KIAA0825: variants seen among roughly 807,000 people sequenced by gnomAD.
The protein encoded by KIAA0825 is uncharacterized protein KIAA0825.
KIAA0825 carries 119 observed loss-of-function variants against 147.6 expected under a neutral mutation model. The observed-to-expected ratio is 0.81, with a 90% CI of 0.69 to 0.94. The LOEUF (loss-of-function observed/expected upper bound fraction) is 0.94, where lower values mean the gene tolerates loss of function less well. KIAA0825 is among the 40% of genes least tolerant of loss of function. The probability of loss-of-function intolerance (pLI) is 0.00; values close to 1 mark genes in which losing one functional copy is unlikely to be tolerated. For synonymous variants in KIAA0825, 470 were observed against 518.1 expected, an observed-to-expected ratio of 0.91 and a Z score of 1.26; for missense variants, 1,381 against 1,472.7, an observed-to-expected ratio of 0.94 and a Z score of 1.02.
intron 20 of KIAA0825, among the ~76,000 whole-genome samples, chr5:94,167,895 C>G (rs1193380423): frequency 1.3e-5 from 2 of 151,512 alleles, no homozygotes; most frequent in African/African-American, 4.8e-5. Flanking sequence ...TTCCCACTCC[C>G]CACAATTTAT....
At position 94,477,110 on chromosome 5, in the gene KIAA0825, C is replaced by T. The variant is rs368422437; in HGVS notation, c.1227+1G>A. On this transcript the variant is annotated splice_donor_variant, in intron 7 of 20. Coordinates refer to ENST00000682413, the MANE Select transcript of KIAA0825 (RefSeq NM_001145678.3). LOFTEE classifies it high-confidence loss of function. ...AAAACACTTCTTTTTCCTTCACTTA[C>T]CTCTTTTCCTGGTAGTGATTGCTCG... 1.3e-6 allele frequency: 2 copies of T among 1,548,106 alleles called. No individual in the cohort carries two copies. The highest frequency in any genetic ancestry group is 1.7e-6 in the Non-Finnish European group (2 of 1,144,388).
intron 20 of KIAA0825, among the ~76,000 whole-genome samples, chr5:94,349,783 C>T (rs145991981): frequency 0.017 from 2,623 of 152,222 alleles, 42 homozygotes; most frequent in Non-Finnish European, 0.027. Flanking sequence ...ATAGCAAAGG[C>T]AGTGCTAAGA....
At chr5:94,561,254 C>A (rs1023818743) in intron 2 of KIAA0825, among the ~76,000 whole-genome samples, 3 of 152,198 alleles carry the variant, frequency 2.0e-5, no homozygotes, top group Non-Finnish European at 4.4e-5. Flanking sequence ...GAGAGGATGG[C>A]ACACCCAGAC....
intron 20 of KIAA0825, among the ~76,000 whole-genome samples, chr5:94,369,698 T>A (rs769204436): frequency 6.6e-6 from 1 of 151,912 alleles, no homozygotes; most frequent in Non-Finnish European, 1.5e-5. Context: ...CTGAAGAAAA[T>A]CACAATATTG....
intron 5 of KIAA0825, among the ~76,000 whole-genome samples, chr5:94,518,654 A>T (rs904417042): frequency 6.6e-5 from 10 of 152,166 alleles, no homozygotes; most frequent in Non-Finnish European, 1.3e-4. Context: ...GGTTGTCATT[A>T]GCGCAGTGTT....
intron 10 of KIAA0825, among the ~76,000 whole-genome samples, chr5:94,468,710 T>C (rs1482162638): frequency 6.6e-6 from 1 of 151,690 alleles, no homozygotes; most frequent in Non-Finnish European, 1.5e-5. Flanking sequence ...TTTATTATGA[T>C]AATAACTCGG....
intron 7 of KIAA0825, among the ~76,000 whole-genome samples, chr5:94,475,171 T>C (rs1051658962): frequency 4.6e-5 from 7 of 152,056 alleles, no homozygotes; most frequent in African/African-American, 1.7e-4. Flanking sequence ...GGAAGTGGCA[T>C]AGTTATAGCC....
chr5:94,409,621 A>C (rs1323531191), intron 15 of KIAA0825, among the ~76,000 whole-genome samples: 1 of 152,206 alleles, frequency 6.6e-6, no homozygotes, highest in Non-Finnish European at 1.5e-5. Flanking sequence ...GAAGCCAAGC[A>C]AAAAACAACT....
At chr5:94,508,580 T>C (rs1562571607) in intron 5 of KIAA0825, among the ~76,000 whole-genome samples, 3 of 152,220 alleles carry the variant, frequency 2.0e-5, no homozygotes, top group Non-Finnish European at 1.5e-5. Flanking sequence ...TGTTATTGAT[T>C]CCAGCATTTA....
At chr5:94,275,642 T>C (rs1249437708) in intron 20 of KIAA0825, among the ~76,000 whole-genome samples, 1 of 152,138 alleles carries the variant, frequency 6.6e-6, no homozygotes, top group African/African-American at 2.4e-5. Context: ...TAATGGGTAA[T>C]AGACAAGATT....
At chr5:94,594,300 G>T in intron 1 of KIAA0825, 1 of 645,686 alleles carries the variant, frequency 1.5e-6, no homozygotes, top group Non-Finnish European at 3.0e-6. Flanking sequence ...ATGGTTTCTC[G>T]ACTGCTTCTG....
intron 1 of KIAA0825, among the ~76,000 whole-genome samples, chr5:94,608,677 A>G (rs1788122385): frequency 6.7e-6 from 1 of 148,164 alleles, no homozygotes. Flanking sequence ...TATACACTAC[A>G]TATTTTCTCA....
chr5:94,412,917 G>A (rs563948746), intron 15 of KIAA0825: 1 of 151,782 alleles, frequency 6.6e-6, no homozygotes, highest in Non-Finnish European at 1.5e-5. Flanking sequence ...AGGTTCTGTG[G>A]GGCTGACTGC....
rs78583467 is a variant in KIAA0825, at chr5:94,529,754, T to C, written c.132-5656A>G. Among the ~76,000 whole-genome samples the C allele has an allele frequency of 3.6e-3, 555 of 152,240 alleles. 2 individuals are homozygous for C. The highest frequency in any genetic ancestry group is 6.8e-3 in the Non-Finnish European group (464 of 68,000). On this transcript the variant is annotated intron_variant, in intron 3 of 20. Coordinates refer to ENST00000682413, the MANE Select transcript of KIAA0825 (RefSeq NM_001145678.3). ...CAAAAATATTTAAGAAAAGGAAAAA[T>C]GCATTTGAAGATAGCTTCATCTATC...
At chr5:94,360,710 C>A (rs1744940254) in intron 20 of KIAA0825, among the ~76,000 whole-genome samples, 1 of 152,180 alleles carries the variant, frequency 6.6e-6, no homozygotes, top group Admixed American at 6.5e-5. Context: ...AATTGCCCAC[C>A]CCTTTCCCAG....
At chr5:94,280,491 GAGAAAACCC>G (rs1352910799) in intron 20 of KIAA0825, among the ~76,000 whole-genome samples, 1 of 151,976 alleles carries the variant, frequency 6.6e-6, no homozygotes, top group Non-Finnish European at 1.5e-5. Flanking sequence ...ATTTTAGTGG[GAGAAAACCC>G]AACCAGAACC....
At chr5:94,203,515 A>G (rs1771882666) in intron 20 of KIAA0825, among the ~76,000 whole-genome samples, 2 of 152,234 alleles carry the variant, frequency 1.3e-5, no homozygotes, top group Non-Finnish European at 2.9e-5. Context: ...AATTAATTTT[A>G]AGAAATAAAA....
chr5:94,595,262 T>C (rs1235805659), intron 1 of KIAA0825, among the ~76,000 whole-genome samples: 1 of 152,214 alleles, frequency 6.6e-6, no homozygotes, highest in Admixed American at 6.5e-5. Flanking sequence ...TGGACACCCA[T>C]ACATTTCCAT....
chr5:94,383,592 T>C (rs1748720978), intron 20 of KIAA0825, among the ~76,000 whole-genome samples: 1 of 152,198 alleles, frequency 6.6e-6, no homozygotes, highest in South Asian at 2.1e-4. Flanking sequence ...AAATATATCT[T>C]ATTTGAAAAT....
Sources: gnomAD v4.1 joint callset for allele counts (sites outside exome capture counted in the v4.1 genomes callset) on GRCh38, gnomAD v4.1.1 for gene constraint, MANE v1.5 for transcripts, NCBI Gene and HGNC (gene_info 2026-07-23, HGNC 2026-07-21) for gene names.